TBC1D22A: variants seen among roughly 807,000 people sequenced by gnomAD.
The protein encoded by TBC1D22A is TBC1 domain family member 22A.
TBC1D22A carries 38 observed loss-of-function variants against 60.2 expected under a neutral mutation model. The ratio of observed to expected loss-of-function variants is 0.63; its 90% CI spans 0.49 to 0.83. The LOEUF (loss-of-function observed/expected upper bound fraction) is 0.83, where lower values mean the gene tolerates loss of function less well. TBC1D22A is among the 40% of genes least tolerant of loss of function. The probability of loss-of-function intolerance (pLI) is 0.00; values close to 1 mark genes in which losing one functional copy is unlikely to be tolerated. For synonymous variants in TBC1D22A, 302 were observed against 281.7 expected (o/e 1.07, Z -0.72); for missense variants, 628 against 701.0 (o/e 0.90, Z 1.18).
Position 47,009,516 on chromosome 22 carries a change from TTCACCA to T in TBC1D22A, c.1201+11817_1201+11822del, listed in dbSNP as rs1224968247. Among the ~76,000 whole-genome samples, 5 of 145,032 alleles carry T rather than the reference TTCACCA, an allele frequency of 3.4e-5. No individual in the cohort carries two copies. Among genetic ancestry groups the T allele is most frequent in the Non-Finnish European group, 7.5e-5 (5 of 66,602 alleles). On this transcript the variant is annotated intron_variant, in intron 10 of 12. Coordinates refer to ENST00000337137, the MANE Select transcript of TBC1D22A (RefSeq NM_014346.5). The surrounding 1 kb of genome is among the most constrained non-coding windows in gnomAD (Gnocchi z 5.8). ...CATCACCATCATCACCACCATCATC[TTCACCA>T]TCACCATCATCATCATTGCCATCAT...
At chr22:46,772,830 A>T (rs777055413) in intron 1 of TBC1D22A, among the ~76,000 whole-genome samples, 6 of 151,942 alleles carry the variant, frequency 3.9e-5, no homozygotes, top group Non-Finnish European at 8.8e-5. Flanking sequence ...TATTTTTACC[A>T]TGTTGGCCAG....
chr22:47,170,666 C>G (rs1022528881), intron 12 of TBC1D22A, among the ~76,000 whole-genome samples: 232 of 150,332 alleles, frequency 1.5e-3, no homozygotes, highest in African/African-American at 5.5e-3. Flanking sequence ...GTGTAACCCT[C>G]CTGATGCAGG....
At chr22:46,816,828 C>T (rs1038576601) in intron 4 of TBC1D22A, among the ~76,000 whole-genome samples, 2 of 152,136 alleles carry the variant, frequency 1.3e-5, no homozygotes, top group African/African-American at 4.8e-5. Context: ...CTACAGGAAG[C>T]GGGTAGAGCT....
intron 11 of TBC1D22A, among the ~76,000 whole-genome samples, chr22:47,063,597 G>A (rs1480717797): frequency 6.6e-6 from 1 of 152,164 alleles, no homozygotes; most frequent in Non-Finnish European, 1.5e-5. Context: ...TGCCCCTCCA[G>A]TCACACCTGA....
At chr22:46,844,989 C>T (rs1184463077) in intron 4 of TBC1D22A, among the ~76,000 whole-genome samples, 1 of 152,148 alleles carries the variant, frequency 6.6e-6, no homozygotes, top group Non-Finnish European at 1.5e-5. Flanking sequence ...AGAAGGGAGT[C>T]CTGTCTGTGC....
chr22:47,064,853 T>G (rs2063700650), intron 11 of TBC1D22A, among the ~76,000 whole-genome samples: 1 of 152,264 alleles, frequency 6.6e-6, no homozygotes, highest in South Asian at 2.1e-4. Context: ...TCCAAGTGTC[T>G]TTAGTTTCTT....
intron 4 of TBC1D22A, among the ~76,000 whole-genome samples, chr22:46,841,555 G>T (rs1255518676): frequency 1.3e-5 from 2 of 152,204 alleles, no homozygotes; most frequent in South Asian, 4.1e-4. Flanking sequence ...ACATGGATGA[G>T]CCTGGGTGAC....
intron 8 of TBC1D22A, among the ~76,000 whole-genome samples, chr22:46,919,360 C>G (rs376714279): frequency 6.6e-6 from 1 of 152,240 alleles, no homozygotes; most frequent in Non-Finnish European, 1.5e-5. Flanking sequence ...AGCCAGGTAA[C>G]GTCTCCGGGT....
intron 11 of TBC1D22A, among the ~76,000 whole-genome samples, chr22:47,108,795 A>C (rs573816285): frequency 7.4e-4 from 112 of 152,292 alleles, no homozygotes; most frequent in African/African-American, 2.6e-3. Flanking sequence ...TCCCAGGTTC[A>C]TGCCATTCTC....
In TBC1D22A at chr22:46,938,053, G is replaced by A. The variant is rs529245441; in HGVS notation, c.1015+25865G>A. 2.3e-4 allele frequency among the ~76,000 whole-genome samples: 35 copies of A among 152,142 alleles called. No individual in the cohort carries two copies. In the East Asian group the frequency reaches 2.3e-3, roughly 10 times the overall value. On this transcript the variant is annotated intron_variant, in intron 8 of 12. Transcript: ENST00000337137. ...AAGGAAATTAATAATAATAAATGTC[G>A]TGTGGCCTAAGTGCACAGTGCTCGT...
intron 8 of TBC1D22A, among the ~76,000 whole-genome samples, chr22:46,952,986 T>C (rs1450454960): frequency 3.9e-5 from 6 of 152,150 alleles, no homozygotes. Context: ...CCTGGTGAAG[T>C]GTTTGCTGTA....
chr22:47,100,789 G>T (rs898433199), intron 11 of TBC1D22A, among the ~76,000 whole-genome samples: 1 of 152,128 alleles, frequency 6.6e-6, no homozygotes, highest in African/African-American at 2.4e-5. Context: ...TATCAGCCAC[G>T]TGAAAACGGA....
Position 46,974,296 on chromosome 22 carries a change from A to G in TBC1D22A, c.1022A>G (p.Glu341Gly). The change falls in exon 9 of 13, where the codon GAG (glutamate) becomes GGG (glycine). Residue 341 changes from glutamate to glycine, a missense_variant. Physicochemically the swap from Glu to Gly is moderately conservative, Grantham distance 98. Coordinates refer to ENST00000337137, the MANE Select transcript of TBC1D22A (RefSeq NM_014346.5). ...VVFICEYIEA[E>G]EVDTVDVSGV... is the part of the protein sequence containing the mutation. Reference sequence around the variant, plus strand: ...CATGCTCGGCGCCGCCCAGAGGCAGAGGAGGTGGACACGGTGGACGTCTCC... The same window carrying G: ...CATGCTCGGCGCCGCCCAGAGGCAGGGGAGGTGGACACGGTGGACGTCTCC... 6.3e-7 allele frequency: 1 copy of G among 1,595,914 alleles called. No homozygotes were observed. The highest frequency in any genetic ancestry group is 8.5e-7 in the Non-Finnish European group (1 of 1,171,520).
chr22:46,792,708 C>T lies in TBC1D22A; in HGVS notation c.119+132C>T, dbSNP rs1169813310. ...GAGACTGGTTTCTCATTCAGCCACA[C>T]TGATCAAGCAGTCGCTTTGTGTGAG... On this transcript the variant is annotated intron_variant, in intron 2 of 12. Coordinates refer to ENST00000337137, the MANE Select transcript of TBC1D22A (RefSeq NM_014346.5). 3.0e-5 allele frequency: 47 copies of T among 1,584,088 alleles called. No homozygotes were observed. The Middle Eastern group carries it at 1.2e-3, about 39-fold the overall frequency.
At chr22:47,096,821 C>T (rs2065197192) in intron 11 of TBC1D22A, among the ~76,000 whole-genome samples, 1 of 151,556 alleles carries the variant, frequency 6.6e-6, no homozygotes. Flanking sequence ...GACTCTGTCT[C>T]AAAAAAAATA....
intron 8 of TBC1D22A, among the ~76,000 whole-genome samples, chr22:46,966,293 G>T (rs2073800841): frequency 6.6e-6 from 1 of 152,048 alleles, no homozygotes; most frequent in Non-Finnish European, 1.5e-5. Context: ...CACCTGGCAG[G>T]TTCCAGCTCA....
At chr22:46,984,235 C>T (rs553672344) in intron 9 of TBC1D22A, among the ~76,000 whole-genome samples, 6 of 151,534 alleles carry the variant, frequency 4.0e-5, no homozygotes, top group South Asian at 2.1e-4. Context: ...GGCATGGTGG[C>T]GCGCGCCTGT....
At chr22:47,029,534 C>G (rs140549) in intron 10 of TBC1D22A, among the ~76,000 whole-genome samples, 36,095 of 152,190 alleles carry the variant, frequency 0.24, 4,606 homozygotes, top group East Asian at 0.29. Flanking sequence ...TCACCTGACT[C>G]TACAACCTGA....
At chr22:46,949,892 C>G (rs1243736793) in intron 8 of TBC1D22A, among the ~76,000 whole-genome samples, 1 of 152,196 alleles carries the variant, frequency 6.6e-6, no homozygotes, top group Non-Finnish European at 1.5e-5. Flanking sequence ...GAGGCCTGAG[C>G]CGAGGCTGCT....
Sources: allele counts gnomAD v4.1 joint callset (sites outside exome capture counted in the v4.1 genomes callset), GRCh38; gene constraint gnomAD v4.1.1; non-coding constraint Gnocchi (gnomAD v3.1); transcripts MANE v1.5; gene names NCBI Gene and HGNC (gene_info 2026-07-23, HGNC 2026-07-21).